The following ZNF202 variants were observed in gnomAD, a reference collection of about 807,000 sequenced individuals.
The protein encoded by ZNF202 is zinc finger protein 202, also known as zinc finger protein with KRAB and SCAN domains 10.
Under a neutral mutation model 54.5 loss-of-function variants are expected in ZNF202, and 22 were observed. The ratio of observed to expected loss-of-function variants is 0.40; its 90% CI spans 0.29 to 0.58. ZNF202 has a LOEUF of 0.58. Among genes scored for constraint, ZNF202 ranks in the 20% least tolerant of loss-of-function variants. The pLI is 0.39. For missense variants in ZNF202, 644 were observed against 805.5 expected (o/e 0.80, Z 2.43); for synonymous variants, 294 against 301.4 (o/e 0.98, Z 0.26).
intron 1 of ZNF202, among the ~76,000 whole-genome samples, chr11:123,741,029 G>C (rs1861839692): frequency 6.6e-6 from 1 of 151,990 alleles, no homozygotes; most frequent in African/African-American, 2.4e-5. Context: ...AAGATCACGG[G>C]TGAGTGTATC....
rs757201407 is a variant in ZNF202 at position 123,728,116 on chromosome 11, T to C, written c.832+17A>G. ...TCTCTGGGCTTAGAACACTCTAGAATACTTGAAATTCCTTACACAGAGAGA... is the reference window on the plus strand; with the variant it reads ...TCTCTGGGCTTAGAACACTCTAGAACACTTGAAATTCCTTACACAGAGAGA... On this transcript the variant is annotated intron_variant, in intron 7 of 8. Coordinates refer to ENST00000530393, the MANE Select transcript of ZNF202 (RefSeq NM_003455.4). 6.2e-7 allele frequency: 1 copy of C among 1,601,908 alleles called. No individual in the cohort carries two copies. Among genetic ancestry groups the C allele is most frequent in the Admixed American group, 1.7e-5 (1 of 59,582 alleles).
chr11:123,726,590 G>T lies in ZNF202; in HGVS notation c.1354C>A (p.Pro452Thr), dbSNP rs1861152978. Reference protein sequence around the residue: ...RHQKVHKMNAPYKYPLNRKNL... With the variant: ...RHQKVHKMNATYKYPLNRKNL... ...TTCCGGTTTAGGGGATATTTGTAAG[G>T]CGCGTTCATCTTGTGAACCTTTTGG... The change falls in exon 9 of 9, where the codon CCT becomes ACT. Residue 452 changes from proline (P) to threonine (T), a missense_variant. Pro to Thr is a conservative substitution (Grantham distance 38). Coordinates refer to ENST00000530393, the MANE Select transcript of ZNF202 (RefSeq NM_003455.4). The surrounding 1 kb of genome is among the most constrained non-coding windows in gnomAD (Gnocchi z 6.0). 1 of 1,614,192 alleles carries T rather than the reference G, an allele frequency of 6.2e-7. No individual in the cohort carries two copies. Among genetic ancestry groups the T allele is most frequent in the Non-Finnish European group, 8.5e-7 (1 of 1,180,032 alleles).
At chr11:123,734,227 C>T (rs920959835) in intron 3 of ZNF202, among the ~76,000 whole-genome samples, 2 of 152,258 alleles carry the variant, frequency 1.3e-5, no homozygotes, top group South Asian at 4.1e-4. Flanking sequence ...TCCACATTAG[C>T]TCCACCTGCA....
rs1388440665 is a variant in ZNF202 at position 123,724,439 on chromosome 11, A to G, written c.*1558T>C. 1 of 152,224 alleles carries G rather than the reference A, an allele frequency of 6.6e-6. No homozygotes were observed. The highest frequency in any genetic ancestry group is 1.5e-5 in the Non-Finnish European group (1 of 68,046). 9.4% of individuals were successfully genotyped at this position (152,224 alleles called of 1,614,324 possible). Reference sequence around the variant, plus strand: ...GACCAAACCAGTCCATCAGAATATCATCGACCAAAATGAGAATTTCCCTGT... The same window carrying G: ...GACCAAACCAGTCCATCAGAATATCGTCGACCAAAATGAGAATTTCCCTGT... On this transcript the variant is annotated 3_prime_UTR_variant, in exon 9 of 9. Coordinates refer to ENST00000530393, the MANE Select transcript of ZNF202 (RefSeq NM_003455.4).
intron 1 of ZNF202, among the ~76,000 whole-genome samples, chr11:123,740,896 G>A (rs59750610): frequency 6.6e-6 from 1 of 152,054 alleles, no homozygotes; most frequent in Non-Finnish European, 1.5e-5. Flanking sequence ...GGAGTGGGAG[G>A]AGAGGAAAGT....
chr11:123,729,803 T>C lies in ZNF202; in HGVS notation c.425A>G (p.Gln142Arg). The C allele has an allele frequency of 6.2e-7, 1 of 1,610,812 alleles. No homozygotes were observed. Among genetic ancestry groups the C allele is most frequent in the South Asian group, 1.1e-5 (1 of 90,514 alleles). ...CACCGTCTCCTCTGACAGGACTTCC[T>C]GGCCGTGAACATGGACAGTCACCTG... is the stretch of plus-strand genomic sequence containing the variant. ...RRWVTVHVHG[Q>R]EVLSEETVHL... Residue 142 changes from glutamine (Q) to arginine (R), a missense_variant, in exon 5 of 9, where the codon CAG becomes CGG. By Grantham distance (43) the Gln-to-Arg change is conservative. This residue lies in a region of ZNF202 where 536 missense variants were observed against 635.3 expected (regional missense o/e 0.84). Transcript: ENST00000530393.
At position 123,730,672 on chromosome 11, in the gene ZNF202, G is replaced by A; in HGVS notation, c.217C>T (p.Gln73Ter). 6.2e-7 allele frequency: 1 copy of A among 1,614,108 alleles called. No homozygotes were observed. Among genetic ancestry groups the A allele is most frequent in the Non-Finnish European group, 8.5e-7 (1 of 1,179,974 alleles). Reference sequence around the variant, plus strand: ...GTCCGCCTCTCTGGTCTCAGCCACTGGTGACAAAGTTCTCGGAGTCTGATG... The same window carrying A: ...GTCCGCCTCTCTGGTCTCAGCCACTAGTGACAAAGTTCTCGGAGTCTGATG... The part of the protein sequence containing the change: ...ALIRLRELCH[Q>*]WLRPERRTKE... Residue 73 changes from glutamine (Q) to a stop codon, truncating the protein, a stop_gained, in exon 4 of 9, where the codon CAG becomes TAG. Coordinates refer to ENST00000530393, the MANE Select transcript of ZNF202 (RefSeq NM_003455.4). LOFTEE classifies it high-confidence loss of function. The surrounding 1 kb of genome is among the most constrained non-coding windows in gnomAD (Gnocchi z 6.0).
chr11:123,737,065 C>T (rs992309539), intron 3 of ZNF202, among the ~76,000 whole-genome samples: 3 of 152,038 alleles, frequency 2.0e-5, no homozygotes, highest in East Asian at 3.9e-4. Context: ...AAAATCCTTG[C>T]TTTGGAGGCA....
intron 3 of ZNF202, 110 bp from the exon 4 acceptor site, chr11:123,731,095 T>C (rs1038391152): frequency 1.9e-6 from 1 of 519,106 alleles, no homozygotes; most frequent in African/African-American, 1.9e-5. Context: ...AATGGTTAAA[T>C]CCTCTTTTCC....
At position 123,725,046 on chromosome 11, in the gene ZNF202, C is replaced by T. The variant is rs967574873; in HGVS notation, c.*951G>A. ...AGTTGACAGTTTCCAAATCCCCTTA[C>T]TCATACGACCCCTGTGAAGGGGGGT... On this transcript the variant is annotated 3_prime_UTR_variant, in exon 9 of 9. Coordinates refer to ENST00000530393, the MANE Select transcript of ZNF202 (RefSeq NM_003455.4). The T allele has an allele frequency of 6.6e-6, 1 of 152,212 alleles. No homozygotes were observed. Among genetic ancestry groups the T allele is most frequent in the Non-Finnish European group, 1.5e-5 (1 of 68,048 alleles). The allele number at this position is 152,212 out of a possible 1,614,324, so 9.4% of individuals were successfully genotyped here.
intron 3 of ZNF202, among the ~76,000 whole-genome samples, chr11:123,731,343 C>G (rs1447402651): frequency 1.3e-5 from 2 of 152,238 alleles, no homozygotes; most frequent in Non-Finnish European, 2.9e-5. Context: ...GACTACTGCT[C>G]TAACTTCCTA....
rs1323415155 is a variant in ZNF202, at chr11:123,729,188, G to T, written c.640C>A (p.Leu214Ile). The T allele has an allele frequency of 9.3e-6, 15 of 1,613,730 alleles. No homozygotes were observed. Among genetic ancestry groups the T allele is most frequent in the African/African-American group, 2.7e-5 (2 of 74,906 alleles). The part of the protein sequence containing the change: ...SEVPVPEDPD[L>I]PAERSSGDSE... Reference sequence around the variant, plus strand: ...TCTCCAGAGCTCCTCTCTGCAGGAAGGTCTGGGTCCTCGGGCACTGGGACC... The same window carrying T: ...TCTCCAGAGCTCCTCTCTGCAGGAATGTCTGGGTCCTCGGGCACTGGGACC... The change falls in exon 6 of 9, where the codon CTT becomes ATT. Residue 214 changes from leucine to isoleucine, a missense_variant. Coordinates refer to ENST00000530393, the MANE Select transcript of ZNF202 (RefSeq NM_003455.4).
intron 1 of ZNF202, among the ~76,000 whole-genome samples, chr11:123,740,837 T>C (rs528586082): frequency 7.9e-5 from 12 of 152,246 alleles, no homozygotes; most frequent in Non-Finnish European, 1.3e-4. Context: ...GGTATACTCC[T>C]GCTAAAAGTA....
In ZNF202 at chr11:123,734,974, C is replaced by T. The variant is rs899372398; in HGVS notation, c.-97-3989G>A. Among the ~76,000 whole-genome samples, 5 of 151,464 alleles carry T rather than the reference C, an allele frequency of 3.3e-5. No homozygotes were observed. The South Asian group carries it at 8.4e-4, about 25-fold the overall frequency. On this transcript the variant is annotated intron_variant, in intron 3 of 8. Coordinates refer to ENST00000530393, the MANE Select transcript of ZNF202 (RefSeq NM_003455.4). ...ATCACAAGGAATCTTCAGGTTGCACCGGGAATAATCCAAATGCAAGTCACA... is the reference window on the plus strand; with the variant it reads ...ATCACAAGGAATCTTCAGGTTGCACTGGGAATAATCCAAATGCAAGTCACA...
chr11:123,729,715 G>C lies in ZNF202; in HGVS notation c.513C>G (p.Pro171=), dbSNP rs371535083. The C allele has an allele frequency of 5.6e-6, 9 of 1,613,730 alleles. No individual in the cohort carries two copies. The African/African-American group carries it at 1.2e-4, about 22-fold the overall frequency. The part of the protein sequence containing the change: ...ELQDPVQSST[P]EQSPEETTQS... Reference sequence around the variant, plus strand: ...GTGTGGTTTCCTCAGGAGACTGCTCGGGGGTCGAGCTTTGCACAGGATCCT... The same window carrying C: ...GTGTGGTTTCCTCAGGAGACTGCTCCGGGGTCGAGCTTTGCACAGGATCCT... The change falls in exon 5 of 9, where the codon CCC becomes CCG. Residue 171 remains proline (P), a synonymous_variant. Coordinates refer to ENST00000530393, the MANE Select transcript of ZNF202 (RefSeq NM_003455.4).
intron 4 of ZNF202, 56 bp from the exon 5 acceptor site, chr11:123,729,881 T>A: frequency 6.6e-7 from 1 of 1,515,506 alleles, no homozygotes; most frequent in Non-Finnish European, 8.8e-7. Flanking sequence ...TTCTTGGTTG[T>A]CACGGGAGCT....
At chr11:123,736,362 T>A (rs545608737) in intron 3 of ZNF202, among the ~76,000 whole-genome samples, 1 of 152,320 alleles carries the variant, frequency 6.6e-6, no homozygotes, top group South Asian at 2.1e-4. Flanking sequence ...TGATTAGAAC[T>A]GAAATTATTA....
chr11:123,733,767 T>C (rs941002061), intron 3 of ZNF202, among the ~76,000 whole-genome samples: 18 of 152,326 alleles, frequency 1.2e-4, no homozygotes, highest in African/African-American at 4.3e-4. Context: ...TGAATAATGC[T>C]TTTGTGTATT....
chr11:123,728,492 G>A (rs1861256392), intron 6 of ZNF202, among the ~76,000 whole-genome samples: 1 of 151,834 alleles, frequency 6.6e-6, no homozygotes, highest in Non-Finnish European at 1.5e-5. Flanking sequence ...TCTTCTTTAA[G>A]GTATTGTTTA....
Sources: allele counts gnomAD v4.1 joint callset (sites outside exome capture counted in the v4.1 genomes callset), GRCh38; gene constraint gnomAD v4.1.1; regional missense constraint gnomAD v4.1.1; non-coding constraint Gnocchi (gnomAD v3.1); transcripts MANE v1.5; gene names NCBI Gene and HGNC (gene_info 2026-07-23, HGNC 2026-07-21).